PTPRK: variants seen among roughly 807,000 people sequenced by gnomAD.
PTPRK encodes the protein protein tyrosine phosphatase receptor type K.
Under a neutral mutation model 178.0 loss-of-function variants are expected in PTPRK, and 75 were observed. The observed-to-expected ratio is 0.42, with a 90% CI of 0.35 to 0.51. PTPRK has a LOEUF of 0.51. PTPRK is among the 20% of genes least tolerant of loss of function. The probability of loss-of-function intolerance (pLI) is 0.02; values close to 1 mark genes in which losing one functional copy is unlikely to be tolerated. For synonymous variants in PTPRK, 637 were observed against 620.6 expected (o/e 1.03, Z -0.39); for missense variants, 1,441 against 1,797.8 (o/e 0.80, Z 3.59).
At chr6:128,084,127 G>A (rs1052286178) in intron 8 of PTPRK, among the ~76,000 whole-genome samples, 2 of 152,020 alleles carry the variant, frequency 1.3e-5, no homozygotes, top group Non-Finnish European at 2.9e-5. Context: ...TTCCTCTGTT[G>A]TATACCTCTA....
intron 7 of PTPRK, among the ~76,000 whole-genome samples, chr6:128,136,542 T>A (rs1280437419): frequency 2.0e-5 from 3 of 152,196 alleles, no homozygotes; most frequent in Non-Finnish European, 2.9e-5. Context: ...TTTAGCTTTT[T>A]AAAAAATGCC....
intron 25 of PTPRK, among the ~76,000 whole-genome samples, chr6:127,978,297 G>A (rs1486839149): frequency 1.3e-5 from 2 of 152,148 alleles, no homozygotes; most frequent in African/African-American, 2.4e-5. Flanking sequence ...TCAAGGGCAG[G>A]ACCAGGTGGA....
chr6:128,203,822 C>A (rs928099255), intron 6 of PTPRK, among the ~76,000 whole-genome samples: 17 of 152,190 alleles, frequency 1.1e-4, no homozygotes, highest in African/African-American at 4.1e-4. Context: ...CAGGAAGAAT[C>A]AATGTCATGA....
intron 3 of PTPRK, among the ~76,000 whole-genome samples, chr6:128,295,334 T>C (rs1824133143): frequency 6.6e-6 from 1 of 152,098 alleles, no homozygotes; most frequent in East Asian, 1.9e-4. Context: ...CCAACCTCTG[T>C]TACAGGATAC....
intron 7 of PTPRK, among the ~76,000 whole-genome samples, chr6:128,093,070 T>C (rs894690497): frequency 6.6e-6 from 1 of 152,154 alleles, no homozygotes; most frequent in African/African-American, 2.4e-5. Flanking sequence ...ATAATGGTGG[T>C]GAAACAATGG....
At chr6:128,051,162 T>G (rs954446561) in intron 13 of PTPRK, among the ~76,000 whole-genome samples, 1 of 152,230 alleles carries the variant, frequency 6.6e-6, no homozygotes, top group African/African-American at 2.4e-5. Flanking sequence ...TGTTCAATTA[T>G]ATCACTGCCT....
At chr6:128,338,825 AT>A (rs1317147272) in intron 2 of PTPRK, among the ~76,000 whole-genome samples, 2 of 152,186 alleles carry the variant, frequency 1.3e-5, no homozygotes, top group Non-Finnish European at 2.9e-5. Context: ...TTCTGGGGCT[AT>A]AAAAACTCAT....
chr6:128,510,928 C>T (rs1456027030), intron 1 of PTPRK, among the ~76,000 whole-genome samples: 1 of 151,894 alleles, frequency 6.6e-6, no homozygotes, highest in African/African-American at 2.4e-5. Context: ...ACATTAAAAT[C>T]TTTAATTTGA....
At chr6:128,135,078 T>TCACA (rs34254716) in intron 7 of PTPRK, among the ~76,000 whole-genome samples, 6,880 of 136,270 alleles carry the variant, frequency 0.05, 357 homozygotes, top group African/African-American at 0.15. Context: ...AATCATTCAA[T>TCACA]CACACACACA....
chr6:128,421,399 T>C (rs1184939192), intron 1 of PTPRK, among the ~76,000 whole-genome samples: 2 of 152,196 alleles, frequency 1.3e-5, no homozygotes, highest in Non-Finnish European at 2.9e-5. Context: ...TGGCAGAAGA[T>C]ATTAGTCAGT....
chr6:128,126,745 T>C (rs1228828101), intron 7 of PTPRK, among the ~76,000 whole-genome samples: 1 of 152,188 alleles, frequency 6.6e-6, no homozygotes, highest in Admixed American at 6.5e-5. Context: ...CATCTTGGCC[T>C]CCCAAAGTGC....
At chr6:128,006,048 A>G in intron 14 of PTPRK, 1 of 1,570,698 alleles carries the variant, frequency 6.4e-7, no homozygotes, top group Non-Finnish European at 8.7e-7. Context: ...TAAGAATAGT[A>G]GCTCCTCCTG....
At chr6:128,152,091 A>G (rs1019391493) in intron 7 of PTPRK, among the ~76,000 whole-genome samples, 1 of 152,068 alleles carries the variant, frequency 6.6e-6, no homozygotes, top group East Asian at 1.9e-4. Context: ...AAGTGCCACA[A>G]GGTCAGGAAG....
At chr6:128,286,710 A>G (rs1357537377) in intron 3 of PTPRK, among the ~76,000 whole-genome samples, 2 of 152,084 alleles carry the variant, frequency 1.3e-5, no homozygotes, top group Non-Finnish European at 2.9e-5. Context: ...TTGATGCTGG[A>G]TATTGTTGTA....
At chr6:128,096,796 C>T (rs1402315251) in intron 7 of PTPRK, among the ~76,000 whole-genome samples, 3 of 152,022 alleles carry the variant, frequency 2.0e-5, no homozygotes, top group African/African-American at 7.2e-5. Context: ...AATTTTCTGA[C>T]TGCCAGAGAA....
chr6:128,270,950 T>TAA (rs927088200), intron 3 of PTPRK, among the ~76,000 whole-genome samples: 1 of 149,620 alleles, frequency 6.7e-6, no homozygotes, highest in Non-Finnish European at 1.5e-5. Context: ...GCTAAGGTCT[T>TAA]AAAAAAAAAA....
At chr6:128,417,705 G>A (rs896091868) in intron 1 of PTPRK, among the ~76,000 whole-genome samples, 6 of 152,126 alleles carry the variant, frequency 3.9e-5, no homozygotes, top group Non-Finnish European at 7.4e-5. Flanking sequence ...GATCATCATG[G>A]TATTTTTGTC....
chr6:128,102,138 G>A (rs1309020585), intron 7 of PTPRK, among the ~76,000 whole-genome samples: 1 of 152,134 alleles, frequency 6.6e-6, no homozygotes, highest in Non-Finnish European at 1.5e-5. Flanking sequence ...TAATATGTTT[G>A]CAATATATAG....
At chr6:128,259,094 G>A (rs531925669) in intron 3 of PTPRK, among the ~76,000 whole-genome samples, 1 of 150,856 alleles carries the variant, frequency 6.6e-6, no homozygotes, top group South Asian at 2.1e-4. Context: ...CCATGTTTGA[G>A]GAGGGAGACA....
Sources: allele counts gnomAD v4.1 joint callset (sites outside exome capture counted in the v4.1 genomes callset), GRCh38; gene constraint gnomAD v4.1.1; transcripts MANE v1.5; gene names NCBI Gene and HGNC (gene_info 2026-07-23, HGNC 2026-07-21).